The following CCDC120 variants were observed in gnomAD, a reference collection of about 807,000 sequenced individuals.
The protein encoded by CCDC120 is coiled-coil domain-containing protein 120.
CCDC120 carries 16 observed loss-of-function variants against 37.6 expected under a neutral mutation model. That is an observed-to-expected ratio of 0.43 (90% CI 0.29 to 0.65). The LOEUF (loss-of-function observed/expected upper bound fraction) is 0.65. CCDC120 is among the 30% of genes least tolerant of loss of function. The pLI is 0.18. For missense variants in CCDC120, 650 were observed against 657.4 expected, an observed-to-expected ratio of 0.99 and a Z score of 0.12; for synonymous variants, 309 against 275.4, an observed-to-expected ratio of 1.12 and a Z score of -1.21.
chrX:49,068,889 G>C lies in CCDC120; in HGVS notation c.*231G>C, dbSNP rs782447178. On this transcript the variant is annotated 3_prime_UTR_variant, in exon 11 of 11. Coordinates refer to ENST00000603986, the MANE Select transcript of CCDC120 (RefSeq NM_001163321.4). ...CCCTCAGCTAGCTTAAAAGAGGGGG[G>C]ATGATGTCATGGGGACCCCAAGCCC... The C allele has an allele frequency of 7.0e-6, 2 of 284,123 alleles. No homozygotes were observed. The highest frequency in any genetic ancestry group is 4.4e-4 in the South Asian group (2 of 4,532). The allele number at this position is 284,123 out of a possible 1,213,427, so 23.4% of individuals were successfully genotyped here.
At chrX:49,061,726 C>T (rs2064887816) in intron 1 of CCDC120, among the ~76,000 whole-genome samples, 1 of 112,003 alleles carries the variant, frequency 8.9e-6, no homozygotes. Context: ...TTCTCATGAG[C>T]GAGAGTGTAG....
intron 2 of CCDC120, 29 bp from the exon 3 acceptor site, chrX:49,062,206 C>T: frequency 8.4e-7 from 1 of 1,194,192 alleles, no homozygotes; most frequent in East Asian, 3.0e-5. Flanking sequence ...GGATGTGCTT[C>T]CTTAACGGCT....
At chrX:49,066,854 C>T (rs2064960221) in intron 9 of CCDC120, 4 of 265,003 alleles carry the variant, frequency 1.5e-5, no homozygotes, top group South Asian at 1.4e-4. Context: ...GAGGGGTCAG[C>T]TGGATTAGGA....
At chrX:49,053,766 AG>A (rs2147785914) in exon 1 of CCDC120, 1 of 112,855 alleles carries the variant, frequency 8.9e-6, no homozygotes, top group East Asian at 2.8e-4. Context: ...GGCGCCGAAG[AG>A]GAGCAGGCGC....
At position 49,067,182 on chromosome X, in the gene CCDC120, A is replaced by G. The variant is rs1261982541; in HGVS notation, c.1068A>G (p.Glu356=). The G allele has an allele frequency of 1.7e-6, 2 of 1,207,261 alleles. No homozygotes were observed. Among genetic ancestry groups the G allele is most frequent in the African/African-American group, 1.8e-5 (1 of 57,047 alleles). Residue 356 remains glutamate, a synonymous_variant, in exon 10 of 11, where the codon GAA becomes GAG. Coordinates refer to ENST00000603986, the MANE Select transcript of CCDC120 (RefSeq NM_001163321.4). ...RGAGPQLCKP[E]GLHSRQWSGS... ...CCCTCGCCTCTCACCCCAGACCTGA[A>G]GGCCTTCATTCTCGTCAGTGGTCCG...
chrX:49,068,576 T>C lies in CCDC120; in HGVS notation c.2009T>C (p.Leu670Pro), dbSNP rs992385674. The change falls in exon 11 of 11, where the codon CTG (leucine) becomes CCG (proline). Residue 670 changes from leucine to proline, a missense_variant. Leu to Pro is a moderately conservative substitution (Grantham distance 98). Transcript: ENST00000603986. ...YYADFLYPPE[L>P]SARLSDLTLE... ...GCGGACTTCCTGTATCCCCCGGAGC[T>C]GAGCGCTCGTTTAAGTGACCTGACG... 15 of 1,153,163 alleles carry C rather than the reference T, an allele frequency of 1.3e-5. No individual in the cohort carries two copies. The Admixed American group carries it at 2.7e-4, about 21-fold the overall frequency.
At chrX:49,057,674 G>C (rs2064840559), upstream of CCDC120, among the ~76,000 whole-genome samples, 1 of 112,807 alleles carries the variant, frequency 8.9e-6, no homozygotes, top group Admixed American at 9.4e-5. Context: ...TGCTGATTCA[G>C]AGTGAGCTCC....
At chrX:49,056,896 A>T (rs1262617985), upstream of CCDC120, among the ~76,000 whole-genome samples, 1 of 112,001 alleles carries the variant, frequency 8.9e-6, no homozygotes, top group African/African-American at 3.2e-5. Flanking sequence ...AAATGTATTA[A>T]CTGATTTAAT....
upstream of CCDC120, among the ~76,000 whole-genome samples, chrX:49,056,332 C>G (rs868988167): frequency 2.7e-5 from 3 of 110,346 alleles, no homozygotes; most frequent in African/African-American, 9.9e-5. Context: ...AGTTCTGTCT[C>G]AAAAATGCAT....
rs781832733 is a variant in CCDC120 at position 49,067,290 on chromosome X, C to T, written c.1176C>T (p.Arg392=). Residue 392 remains arginine (R), a synonymous_variant, in exon 10 of 11, where the codon CGC becomes CGT. Transcript: ENST00000603986. ...RASLFVARTR[R]SNSSEALLVD... is the part of the protein sequence containing the mutation. ...CCCTCTTCGTAGCTCGCACCCGCCGCAGCAACAGTTCTGAGGCCCTGCTGG... is the reference window on the plus strand; with the variant it reads ...CCCTCTTCGTAGCTCGCACCCGCCGTAGCAACAGTTCTGAGGCCCTGCTGG... The T allele has an allele frequency of 8.3e-7, 1 of 1,211,390 alleles. No individual in the cohort carries two copies. Among genetic ancestry groups the T allele is most frequent in the Non-Finnish European group, 1.1e-6 (1 of 895,436 alleles).
chrX:49,067,348 C>T lies in CCDC120; in HGVS notation c.1234C>T (p.Pro412Ser). 8.3e-7 allele frequency: 1 copy of T among 1,203,955 alleles called. No individual in the cohort carries two copies. Among genetic ancestry groups the T allele is most frequent in the Non-Finnish European group, 1.1e-6 (1 of 892,059 alleles). Residue 412 changes from proline (P) to serine (S), a missense_variant, in exon 10 of 11, where the codon CCG becomes TCG. Around this residue, in one of 3 missense-constraint regions of CCDC120, gnomAD observed 576 missense variants for 565.3 expected, o/e 1.02. Coordinates refer to ENST00000603986, the MANE Select transcript of CCDC120 (RefSeq NM_001163321.4). ...DRAAGGGAGS[P>S]PAPLAPSASG... ...GGCCGCTGGTGGGGGAGCTGGCTCC[C>T]CGCCTGCCCCTCTGGCTCCCTCTGC...
At chrX:49,067,113 C>G (rs1347068006) in intron 9 of CCDC120, 63 bp from the exon 10 acceptor site, 3 of 1,006,985 alleles carry the variant, frequency 3.0e-6, no homozygotes, top group Admixed American at 2.3e-5. Context: ...GTAGGGAGGG[C>G]ACTGCACGCC....
chrX:49,056,317 A>T (rs1557078359), upstream of CCDC120, among the ~76,000 whole-genome samples: 1 of 110,562 alleles, frequency 9.0e-6, no homozygotes, highest in Admixed American at 9.7e-5. Context: ...AAGCTGAGGG[A>T]TACCAGTTCT....
At chrX:49,063,374 T>A (rs2064912069) in intron 4 of CCDC120, among the ~76,000 whole-genome samples, 2 of 108,867 alleles carry the variant, frequency 1.8e-5, no homozygotes, top group Non-Finnish European at 3.8e-5. Flanking sequence ...AATATGGTAA[T>A]ACAGGCCCAC....
chrX:49,063,738 C>T (rs1413078304), intron 4 of CCDC120, 123 bp from the exon 5 acceptor site: 7 of 707,250 alleles, frequency 9.9e-6, no homozygotes, highest in African/African-American at 6.7e-5. Flanking sequence ...AGGGGAGTAT[C>T]GTGCGTGGTT....
rs1454850940 is a variant in CCDC120, at chrX:49,069,794, T to C, written c.*1136T>C. The C allele has an allele frequency of 8.9e-6, 1 of 112,581 alleles. No individual in the cohort carries two copies. Among genetic ancestry groups the C allele is most frequent in the African/African-American group, 3.2e-5 (1 of 30,892 alleles). The allele number at this position is 112,581 out of a possible 1,213,427, so 9.3% of individuals were successfully genotyped here. On this transcript the variant is annotated 3_prime_UTR_variant, in exon 11 of 11. Coordinates refer to ENST00000603986, the MANE Select transcript of CCDC120 (RefSeq NM_001163321.4). Reference sequence around the variant, plus strand: ...AAGCTTTTCTTTTTATACCAGTGGATCTGGACCCAAGACATTACCCACACT... The same window carrying C: ...AAGCTTTTCTTTTTATACCAGTGGACCTGGACCCAAGACATTACCCACACT...
chrX:49,063,835 A>G, intron 4 of CCDC120, 26 bp from the exon 5 acceptor site: 1 of 1,184,138 alleles, frequency 8.4e-7, no homozygotes, highest in South Asian at 1.9e-5. Context: ...AACCCTTGGT[A>G]GTCTCTGACC....
intron 6 of CCDC120, 49 bp downstream of exon 6, chrX:49,064,713 G>A (rs781866928): frequency 3.6e-5 from 40 of 1,115,890 alleles, no homozygotes; most frequent in South Asian, 4.4e-5. Flanking sequence ...GCAAATGGAC[G>A]TGGTAGGGCT....
Position 49,065,546 on chromosome X carries a change from C to T in CCDC120, c.880C>T (p.Arg294Trp), listed in dbSNP as rs148446381. The T allele has an allele frequency of 9.1e-5, 110 of 1,209,447 alleles. No homozygotes were observed. Among genetic ancestry groups the T allele is most frequent in the Middle Eastern group, 2.3e-4 (1 of 4,366 alleles). The change falls in exon 8 of 11, where the codon CGG (arginine) becomes TGG (tryptophan). Residue 294 changes from arginine (R) to tryptophan (W), a missense_variant. This residue lies in a region of CCDC120 where 576 missense variants were observed against 565.3 expected (regional missense o/e 1.02). Coordinates refer to ENST00000603986, the MANE Select transcript of CCDC120 (RefSeq NM_001163321.4). ...GGCAGTATCTGGGGGGAGCCCTGAG[C>T]GGCGAACCCCATGGAAACCACCTCC... ...LRAVSGGSPE[R>W]RTPWKPPPSD...
Sources: allele counts gnomAD v4.1 joint callset (sites outside exome capture counted in the v4.1 genomes callset), GRCh38; gene constraint gnomAD v4.1.1; regional missense constraint gnomAD v4.1.1; transcripts MANE v1.5; gene names NCBI Gene and HGNC (gene_info 2026-07-23, HGNC 2026-07-21).